The following STX1B variants were observed in gnomAD, a reference collection of about 807,000 sequenced individuals.
STX1B encodes syntaxin-1B.
In STX1B, 7 loss-of-function variants were observed where a neutral mutation model predicts 39.4. The observed-to-expected ratio is 0.18, with a 90% CI of 0.10 to 0.33. The LOEUF (loss-of-function observed/expected upper bound fraction) is 0.33. Ranked by LOEUF, STX1B falls within the 10% of genes least tolerant of loss-of-function variation. STX1B has a pLI of 1.00. For missense variants in STX1B, 198 were observed against 383.2 expected, an observed-to-expected ratio of 0.52 and a Z score of 4.04; for synonymous variants, 136 against 144.1, an observed-to-expected ratio of 0.94 and a Z score of 0.40.
chr16:30,999,543 T>A (rs2056612920), intron 4 of STX1B, among the ~76,000 whole-genome samples: 1 of 152,116 alleles, frequency 6.6e-6, no homozygotes. Flanking sequence ...TGGGGGAAGG[T>A]GGTTATTACC....
intron 7 of STX1B, among the ~76,000 whole-genome samples, chr16:30,995,604 G>T (rs961204379): frequency 6.6e-6 from 1 of 151,738 alleles, no homozygotes; most frequent in Non-Finnish European, 1.5e-5. Context: ...TGATCCTCCT[G>T]CCTCAGCCCC....
At chr16:31,006,429 G>C (rs1360210126) in intron 1 of STX1B, among the ~76,000 whole-genome samples, 1 of 152,188 alleles carries the variant, frequency 6.6e-6, no homozygotes, top group Admixed American at 6.5e-5. Flanking sequence ...ATTTGTGCCA[G>C]GTACTCTTCT....
rs1290804403 is a variant in STX1B, at chr16:30,991,549, C to T, written c.*1272G>A. On this transcript the variant is annotated 3_prime_UTR_variant, in exon 10 of 10. Transcript: ENST00000215095. The stretch of plus-strand genomic sequence containing the variant: ...GTGTGTAATACGCAGGGCAGAAACA[C>T]ACCATGTAGGTCAGGCAGGACAGAA... 1.3e-5 allele frequency: 2 copies of T among 152,850 alleles called. No individual in the cohort carries two copies. The highest frequency in any genetic ancestry group is 2.4e-5 in the African/African-American group (1 of 41,546). The allele number at this position is 152,850 out of a possible 1,614,324, so 9.5% of individuals were successfully genotyped here.
chr16:31,010,246 C>T (rs2056674085), intron 1 of STX1B, 121 bp downstream of exon 1: 6 of 753,508 alleles, frequency 8.0e-6, no homozygotes, highest in South Asian at 4.1e-5. Context: ...TGGGGTGCTC[C>T]GGCTACCAAC....
At chr16:30,996,564 G>A (rs1269897973) in intron 7 of STX1B, 119 bp downstream of exon 7, 2 of 914,884 alleles carry the variant, frequency 2.2e-6, no homozygotes, top group African/African-American at 1.7e-5. Context: ...CCCAGTTCCC[G>A]GCTCAGGCTT....
Position 31,001,199 on chromosome 16 carries a change from G to A in STX1B, c.106-6C>T, listed in dbSNP as rs766149036. 2 of 1,612,904 alleles carry A rather than the reference G, an allele frequency of 1.2e-6. No individual in the cohort carries two copies. Among genetic ancestry groups the A allele is most frequent in the African/African-American group, 2.7e-5 (2 of 74,928 alleles). On this transcript the variant is annotated splice_region_variant and splice_polypyrimidine_tract_variant and intron_variant, in intron 2 of 9. Coordinates refer to ENST00000215095, the MANE Select transcript of STX1B (RefSeq NM_052874.5). This position sits in a 1 kb window ranked among gnomAD's most constrained non-coding sequence, Gnocchi z 5.5. ...CAGCCCCGGATCTCTTCCACCTGGA[G>A]CAGAAAATCGGCTATACCCAGCCAA...
At position 30,990,551 on chromosome 16, in the gene STX1B, T is replaced by C. The variant is rs1378379908; in HGVS notation, c.*2270A>G. The stretch of plus-strand genomic sequence containing the variant: ...AATGCACACACAATGTACACACACA[T>C]ACAATGCACACACACGTACGCTTCA... On this transcript the variant is annotated 3_prime_UTR_variant, in exon 10 of 10. Transcript: ENST00000215095. 1.3e-5 allele frequency: 2 copies of C among 151,870 alleles called. No individual in the cohort carries two copies. Among genetic ancestry groups the C allele is most frequent in the Non-Finnish European group, 2.9e-5 (2 of 67,840 alleles). The allele number at this position is 151,870 out of a possible 1,614,324, so 9.4% of individuals were successfully genotyped here. A position where few individuals can be genotyped will look rare whatever the true frequency, so the allele number is the denominator to read the frequency against.
In STX1B at chr16:30,994,421, C is replaced by CAAAAA. The variant is rs543652303; in HGVS notation, c.538-942_538-938dup. 2.9e-4 allele frequency among the ~76,000 whole-genome samples: 32 copies of CAAAAA among 111,320 alleles called. 2 individuals carry two copies. Among genetic ancestry groups the CAAAAA allele is most frequent in the African/African-American group, 1.1e-3 (29 of 26,880 alleles). The allele number at this position is 111,320 out of a possible 152,430, so 73.0% of individuals were successfully genotyped here. A position where few individuals can be genotyped will look rare whatever the true frequency, so the allele number is the denominator to read the frequency against. On this transcript the variant is annotated intron_variant, in intron 7 of 9. Transcript: ENST00000215095. ...CAACATAGTGAGACTTTGTTTCTAT[C>CAAAAA]AAAAAAAAAAAAAAAAAAGGAAATT...
chr16:30,997,292 C>CA (rs1487744058), intron 5 of STX1B, among the ~76,000 whole-genome samples: 1 of 152,198 alleles, frequency 6.6e-6, no homozygotes, highest in Non-Finnish European at 1.5e-5. Context: ...CAGCTAGAGA[C>CA]ACTGCTACTG....
intron 1 of STX1B, among the ~76,000 whole-genome samples, chr16:31,009,709 C>T (rs2056671507): frequency 6.6e-6 from 1 of 151,682 alleles, no homozygotes; most frequent in Admixed American, 6.6e-5. Context: ...GCCCCAGTTC[C>T]CCCAAGCAGA....
At chr16:30,993,568 G>T in intron 7 of STX1B, 84 bp from the exon 8 acceptor site, 1 of 1,514,402 alleles carries the variant, frequency 6.6e-7, no homozygotes, top group Non-Finnish European at 9.1e-7. Flanking sequence ...GGTCAAATCC[G>T]GTGTCATTTA....
chr16:30,992,186 T>G lies in STX1B; in HGVS notation c.*635A>C, dbSNP rs1343693021. 6.6e-6 allele frequency: 1 copy of G among 152,422 alleles called. No homozygotes were observed. The highest frequency in any genetic ancestry group is 1.5e-5 in the Non-Finnish European group (1 of 68,254). 9.4% of individuals were successfully genotyped at this position (152,422 alleles called of 1,614,324 possible). A position where few individuals can be genotyped will look rare whatever the true frequency, so the allele number is the denominator to read the frequency against. On this transcript the variant is annotated 3_prime_UTR_variant, in exon 10 of 10. Coordinates refer to ENST00000215095, the MANE Select transcript of STX1B (RefSeq NM_052874.5). ...GACATGGGGTGTCTGCCATGGCCTG[T>G]GTGTACCTGGGCCTCCCTGGATCCT...
chr16:30,997,163 G>A, intron 5 of STX1B, 104 bp from the exon 6 acceptor site: 1 of 743,224 alleles, frequency 1.3e-6, no homozygotes, highest in Non-Finnish European at 2.3e-6. Flanking sequence ...GTGCATGGGC[G>A]GAATAAGGAG....
At position 30,991,157 on chromosome 16, in the gene STX1B, C is replaced by T. The variant is rs2056555127; in HGVS notation, c.*1664G>A. ...GTAACATTCCTACAAGTAGCCCTTT[C>T]CTTCCAGGAGGCATTCGTGTGATCC... On this transcript the variant is annotated 3_prime_UTR_variant, in exon 10 of 10. Transcript: ENST00000215095. 1 of 152,736 alleles carries T rather than the reference C, an allele frequency of 6.5e-6. No homozygotes were observed. Among genetic ancestry groups the T allele is most frequent in the Non-Finnish European group, 1.5e-5 (1 of 68,078 alleles). The allele number at this position is 152,736 out of a possible 1,614,324, so 9.5% of individuals were successfully genotyped here. A position where few individuals can be genotyped will look rare whatever the true frequency, so the allele number is the denominator to read the frequency against.
Position 30,998,983 on chromosome 16 carries a change from T to C in STX1B, c.281-1408A>G, listed in dbSNP as rs898369401. 2.0e-5 allele frequency among the ~76,000 whole-genome samples: 3 copies of C among 152,202 alleles called. No homozygotes were observed. In the East Asian group the frequency reaches 5.8e-4, roughly 29 times the overall value. ...CAGCTCCAGCTCAGCTAGAACAACC[T>C]GACTTTTATGTTTTATATATTGGGA... On this transcript the variant is annotated intron_variant, in intron 4 of 9. Coordinates refer to ENST00000215095, the MANE Select transcript of STX1B (RefSeq NM_052874.5).
chr16:30,992,509 G>C lies in STX1B; in HGVS notation c.*312C>G. The C allele has an allele frequency of 3.2e-6, 1 of 313,730 alleles. No homozygotes were observed. Among genetic ancestry groups the C allele is most frequent in the Non-Finnish European group, 6.0e-6 (1 of 166,238 alleles). The allele number at this position is 313,730 out of a possible 1,614,324, so 19.4% of individuals were successfully genotyped here. A position where few individuals can be genotyped will look rare whatever the true frequency, so the allele number is the denominator to read the frequency against. On this transcript the variant is annotated 3_prime_UTR_variant, in exon 10 of 10. Coordinates refer to ENST00000215095, the MANE Select transcript of STX1B (RefSeq NM_052874.5). ...ACACACACCCAAGGTGGGGGTGGAG[G>C]GGGTGCTCTGGTGCATCACACACAT...
chr16:31,010,291 C>T (rs2056674492), intron 1 of STX1B, 76 bp downstream of exon 1: 1 of 1,069,136 alleles, frequency 9.4e-7, no homozygotes, highest in Non-Finnish European at 1.3e-6. Context: ...CGTCCCAGCA[C>T]CTCCCCCACT....
At position 31,001,939 on chromosome 16, in the gene STX1B, G is replaced by T. The variant is rs986217709; in HGVS notation, c.31-336C>A. ...TCAGGCTTGCAGTAACTGACCCTGGGCTCCATGAAGGGTCCTGGACTAGAG... is the reference window on the plus strand; with the variant it reads ...TCAGGCTTGCAGTAACTGACCCTGGTCTCCATGAAGGGTCCTGGACTAGAG... On this transcript the variant is annotated intron_variant, in intron 1 of 9. Coordinates refer to ENST00000215095, the MANE Select transcript of STX1B (RefSeq NM_052874.5). This position sits in a 1 kb window ranked among gnomAD's most constrained non-coding sequence, Gnocchi z 5.5. Among the ~76,000 whole-genome samples, 3 of 152,106 alleles carry T rather than the reference G, an allele frequency of 2.0e-5. No individual in the cohort carries two copies. Among genetic ancestry groups the T allele is most frequent in the Non-Finnish European group, 2.9e-5 (2 of 68,012 alleles).
chr16:30,999,923 GT>G (rs995786248), intron 4 of STX1B, among the ~76,000 whole-genome samples: 9 of 151,968 alleles, frequency 5.9e-5, no homozygotes, highest in African/African-American at 1.9e-4. Flanking sequence ...CTTTCTGACT[GT>G]TTAATAATCT....
Sources: allele counts gnomAD v4.1 joint callset (sites outside exome capture counted in the v4.1 genomes callset), GRCh38; gene constraint gnomAD v4.1.1; non-coding constraint Gnocchi (gnomAD v3.1); transcripts MANE v1.5; gene names NCBI Gene and HGNC (gene_info 2026-07-23, HGNC 2026-07-21).